Variants in UBAP2 observed in about 807,000 individuals in gnomAD.
UBAP2 encodes ubiquitin-associated protein 2.
Under a neutral mutation model 139.6 loss-of-function variants are expected in UBAP2, and 75 were observed. The ratio of observed to expected loss-of-function variants is 0.54; its 90% CI spans 0.45 to 0.65. The LOEUF is 0.65. UBAP2 is among the 30% of genes least tolerant of loss of function. The pLI is 0.00. For missense variants in UBAP2, 1,368 were observed against 1,369.6 expected, an observed-to-expected ratio of 1.00 and a Z score of 0.02; for synonymous variants, 526 against 526.2, an observed-to-expected ratio of 1.00 and a Z score of 0.01.
chr9:33,999,854 G>GT (rs889362606), intron 2 of UBAP2, among the ~76,000 whole-genome samples: 3 of 22,952 alleles, frequency 1.3e-4, no homozygotes, highest in Non-Finnish European at 2.2e-4. Flanking sequence ...GGATTACTAC[G>GT]TATGTATGTA....
chr9:34,005,861 G>T (rs905093899), intron 2 of UBAP2, among the ~76,000 whole-genome samples: 1 of 152,158 alleles, frequency 6.6e-6, no homozygotes, highest in Non-Finnish European at 1.5e-5. Flanking sequence ...ATATGTCAAT[G>T]AAAATACACC....
At chr9:34,046,615 G>A (rs1452210326) in intron 1 of UBAP2, among the ~76,000 whole-genome samples, 2 of 138,930 alleles carry the variant, frequency 1.4e-5, no homozygotes. Flanking sequence ...CTGCACTCCA[G>A]CCTGGGCGAC....
intron 6 of UBAP2, among the ~76,000 whole-genome samples, chr9:33,986,110 TGAG>T (rs1821186397): frequency 2.0e-5 from 3 of 151,362 alleles, no homozygotes; most frequent in Admixed American, 6.6e-5. Context: ...TGGAGTGCAG[TGAG>T]GAGATCTCGG....
rs557755401 is a variant in UBAP2, at chr9:34,003,189, C to T, written c.100-4325G>A. 4.0e-5 allele frequency among the ~76,000 whole-genome samples: 6 copies of T among 151,538 alleles called. No homozygotes were observed. In the South Asian group the frequency reaches 6.3e-4, roughly 16 times the overall value. ...GCTTGGGACTACAGGCATGCCACCA[C>T]GCCCTGCTAATTTTTGGTTTTGGTA... On this transcript the variant is annotated intron_variant, in intron 2 of 28. Transcript: ENST00000379238.
chr9:34,046,955 T>C (rs561093701), intron 1 of UBAP2, among the ~76,000 whole-genome samples: 101 of 152,216 alleles, frequency 6.6e-4, no homozygotes, highest in Non-Finnish European at 1.3e-3. Flanking sequence ...TGTTCCAATA[T>C]AGTTCTAAAG....
At chr9:33,988,872 C>G in intron 5 of UBAP2, 101 bp downstream of exon 5, 1 of 1,282,716 alleles carries the variant, frequency 7.8e-7, no homozygotes, top group Non-Finnish European at 1.1e-6. Context: ...AAGCTGAGCG[C>G]AGTGACTCAT....
At chr9:34,016,700 C>A (rs1017613085) in intron 2 of UBAP2, among the ~76,000 whole-genome samples, 1 of 151,554 alleles carries the variant, frequency 6.6e-6, no homozygotes, top group South Asian at 2.1e-4. Flanking sequence ...GGATTACAGG[C>A]GCACACCACC....
At chr9:34,029,055 G>A (rs963016053) in intron 1 of UBAP2, among the ~76,000 whole-genome samples, 2 of 152,114 alleles carry the variant, frequency 1.3e-5, no homozygotes, top group African/African-American at 4.8e-5. Context: ...GATCAAGGCT[G>A]CAGTGTGCTA....
chr9:33,982,373 A>G (rs1156988538), intron 6 of UBAP2, among the ~76,000 whole-genome samples: 2 of 152,228 alleles, frequency 1.3e-5, no homozygotes, highest in East Asian at 1.9e-4. Context: ...CACTTACGAC[A>G]ACTTACTATC....
chr9:33,963,747 T>C lies in UBAP2; in HGVS notation c.724A>G (p.Lys242Glu). 1 of 1,611,814 alleles carries C rather than the reference T, an allele frequency of 6.2e-7. No homozygotes were observed. The highest frequency in any genetic ancestry group is 8.5e-7 in the Non-Finnish European group (1 of 1,178,202). ...ATACCTTTGAGTCCATAAGAACTTT[T>C]GTTTGACAGATCCTGAGCTATGTTG... ...THNIAQDLSN[K>E]SSYGLKGAWK... Residue 242 changes from lysine to glutamate, a missense_variant, in exon 9 of 29, where the codon AAA becomes GAA. Coordinates refer to ENST00000379238, the MANE Select transcript of UBAP2 (RefSeq NM_001370062.2).
intron 8 of UBAP2, among the ~76,000 whole-genome samples, chr9:33,966,091 T>C (rs941369053): frequency 6.6e-6 from 1 of 151,928 alleles, no homozygotes; most frequent in Non-Finnish European, 1.5e-5. Flanking sequence ...TAGAACTTTT[T>C]TTTCCTTTTC....
rs545679181 is a variant in UBAP2 at position 33,950,161 on chromosome 9, G to T, written c.1057-1574C>A. On this transcript the variant is annotated intron_variant, in intron 12 of 28. Transcript: ENST00000379238. ...GCTCACTGCAAGCTCCGCCTCCCAG[G>T]TTCACTCCATTCTCCTGCCTCAGCC... Among the ~76,000 whole-genome samples the T allele has an allele frequency of 5.3e-5, 8 of 152,234 alleles. 1 individual carries two copies. In the South Asian group the frequency reaches 1.7e-3, roughly 32 times the overall value.
rs762001708 is a variant in UBAP2 at position 33,956,159 on chromosome 9, T to A, written c.799-13A>T. ...TTGTTTCAGAAAGCTGTATGGAAAG[T>A]TGAAAAATTTAATCTTATTCTACAT... On this transcript the variant is annotated splice_polypyrimidine_tract_variant and intron_variant, in intron 10 of 28. Coordinates refer to ENST00000379238, the MANE Select transcript of UBAP2 (RefSeq NM_001370062.2). 1 of 1,610,236 alleles carries A rather than the reference T, an allele frequency of 6.2e-7. No individual in the cohort carries two copies. Among genetic ancestry groups the A allele is most frequent in the South Asian group, 1.1e-5 (1 of 90,760 alleles).
intron 13 of UBAP2, among the ~76,000 whole-genome samples, chr9:33,945,194 T>G (rs1049901599): frequency 1.7e-4 from 25 of 148,758 alleles, no homozygotes; most frequent in African/African-American, 5.5e-4. Context: ...TATATATATA[T>G]GATGTTACAA....
rs555124207 is a variant in UBAP2 at position 34,047,399 on chromosome 9, C to T, written c.-42+1426G>A. Among the ~76,000 whole-genome samples, 28 of 152,294 alleles carry T rather than the reference C, an allele frequency of 1.8e-4. 1 individual carries two copies. Among genetic ancestry groups the T allele is most frequent in the African/African-American group, 6.3e-4 (26 of 41,574 alleles). ...GTGTATTGAAGGAAACTATCATCTCCAGGGAGTGGAATACATTCCCTTTCC... is the reference window on the plus strand; with the variant it reads ...GTGTATTGAAGGAAACTATCATCTCTAGGGAGTGGAATACATTCCCTTTCC... On this transcript the variant is annotated intron_variant, in intron 1 of 28. Transcript: ENST00000379238.
At position 33,929,240 on chromosome 9, in the gene UBAP2, T is replaced by G. The variant is rs547267346; in HGVS notation, c.2176-1248A>C. ...AACCTTTTAATCTCGGAAGGAAAAA[T>G]GAACATTCTCCATCGCTAAGAGATG... is the stretch of plus-strand genomic sequence containing the variant. On this transcript the variant is annotated intron_variant, in intron 19 of 28. Coordinates refer to ENST00000379238, the MANE Select transcript of UBAP2 (RefSeq NM_001370062.2). Among the ~76,000 whole-genome samples the G allele has an allele frequency of 2.0e-5, 3 of 152,252 alleles. No homozygotes were observed. In the South Asian group the frequency reaches 6.2e-4, roughly 32 times the overall value.
At chr9:33,972,204 G>A (rs1289552105) in intron 7 of UBAP2, among the ~76,000 whole-genome samples, 2 of 152,136 alleles carry the variant, frequency 1.3e-5, no homozygotes, top group Non-Finnish European at 2.9e-5. Context: ...AAAACATTTT[G>A]TTCAGCACCT....
At chr9:33,924,109 T>C (rs1249789881) in intron 23 of UBAP2, 97 bp downstream of exon 23, 1 of 1,581,402 alleles carries the variant, frequency 6.3e-7, no homozygotes, top group Admixed American at 1.7e-5. Flanking sequence ...CACAGGCTAC[T>C]AAGAGGCCTC....
intron 1 of UBAP2, among the ~76,000 whole-genome samples, chr9:34,048,263 A>G (rs529601002): frequency 6.6e-6 from 1 of 152,374 alleles, no homozygotes; most frequent in Admixed American, 6.5e-5. Context: ...GACTACAGGA[A>G]CGGCGGGTGT....
Sources: allele counts gnomAD v4.1 joint callset (sites outside exome capture counted in the v4.1 genomes callset), GRCh38; gene constraint gnomAD v4.1.1; transcripts MANE v1.5; gene names NCBI Gene and HGNC (gene_info 2026-07-23, HGNC 2026-07-21).